TMEM132D: variants seen among roughly 807,000 people sequenced by gnomAD.
TMEM132D encodes transmembrane protein 132D.
A neutral mutation model predicts 62.3 loss-of-function variants in TMEM132D; 21 were observed. The ratio of observed to expected loss-of-function variants is 0.34; its 90% CI spans 0.24 to 0.49. The LOEUF (loss-of-function observed/expected upper bound fraction) is 0.49. Among genes scored for constraint, TMEM132D ranks in the 20% least tolerant of loss-of-function variants. The pLI, the probability that TMEM132D is intolerant of heterozygous loss-of-function variation, is 0.99. For synonymous variants in TMEM132D, 621 were observed against 575.6 expected (o/e 1.08, Z -1.13); for missense variants, 1,346 against 1,402.8 (o/e 0.96, Z 0.65).
chr12:129,894,478 G>A (rs1207339767), intron 1 of TMEM132D, among the ~76,000 whole-genome samples: 1 of 152,212 alleles, frequency 6.6e-6, no homozygotes, highest in Non-Finnish European at 1.5e-5. Flanking sequence ...GCAGGTTCTG[G>A]TGGGATCCTT....
intron 5 of TMEM132D, among the ~76,000 whole-genome samples, chr12:129,183,473 C>T (rs922080836): frequency 4.6e-5 from 7 of 152,330 alleles, no homozygotes; most frequent in Middle Eastern, 3.4e-3. Flanking sequence ...GCAGCCCAGG[C>T]GTATTTCCTT....
intron 3 of TMEM132D, among the ~76,000 whole-genome samples, chr12:129,357,183 C>A (rs1014949409): frequency 2.8e-5 from 4 of 141,636 alleles, no homozygotes; most frequent in Non-Finnish European, 6.1e-5. Context: ...GGAGGTGGAG[C>A]TTGCAGTGAG....
At chr12:129,546,285 T>C (rs1876734446) in intron 2 of TMEM132D, among the ~76,000 whole-genome samples, 1 of 152,238 alleles carries the variant, frequency 6.6e-6, no homozygotes, top group Non-Finnish European at 1.5e-5. Context: ...ACTTGTTTTT[T>C]CTCATATGAA....
intron 1 of TMEM132D, among the ~76,000 whole-genome samples, chr12:129,829,249 G>A (rs982744069): frequency 2.0e-5 from 3 of 152,054 alleles, no homozygotes; most frequent in African/African-American, 2.4e-5. Context: ...TAGAATAATC[G>A]TGGTTATTAT....
chr12:129,516,864 G>A (rs760101554), intron 3 of TMEM132D, among the ~76,000 whole-genome samples: 5 of 152,166 alleles, frequency 3.3e-5, no homozygotes, highest in Admixed American at 1.3e-4. Flanking sequence ...GAGGCTTCAG[G>A]GGAGAATCCA....
chr12:129,147,700 G>T (rs1156350819), intron 5 of TMEM132D, among the ~76,000 whole-genome samples: 3 of 152,168 alleles, frequency 2.0e-5, no homozygotes, highest in African/African-American at 7.2e-5. Context: ...CAGGTGCAAG[G>T]TGTCTATTTG....
intron 2 of TMEM132D, among the ~76,000 whole-genome samples, chr12:129,660,397 C>CT (rs1880205626): frequency 6.6e-6 from 1 of 152,140 alleles, no homozygotes; most frequent in Non-Finnish European, 1.5e-5. Flanking sequence ...CCTGCCTCCT[C>CT]TGCTGGCCTC....
intron 3 of TMEM132D, among the ~76,000 whole-genome samples, chr12:129,500,451 T>TG (rs11428302): frequency 3.2e-5 from 1 of 31,280 alleles, no homozygotes; most frequent in Admixed American, 2.7e-4. Flanking sequence ...TATGGATGGC[T>TG]TAGTAAGCTG....
intron 1 of TMEM132D, among the ~76,000 whole-genome samples, chr12:129,750,855 AAAAT>A (rs1025914002): frequency 2.0e-5 from 3 of 152,200 alleles, no homozygotes; most frequent in Non-Finnish European, 4.4e-5. Flanking sequence ...CACCAAAAAA[AAAAT>A]AAATGTTTAA....
chr12:129,392,734 T>C (rs1027224490), intron 3 of TMEM132D, among the ~76,000 whole-genome samples: 16 of 152,156 alleles, frequency 1.1e-4, no homozygotes, highest in Non-Finnish European at 1.9e-4. Flanking sequence ...ACCCCAGTGA[T>C]TTTGATGCAC....
intron 2 of TMEM132D, among the ~76,000 whole-genome samples, chr12:129,634,567 A>G (rs1247790200): frequency 6.6e-6 from 1 of 151,904 alleles, no homozygotes; most frequent in African/African-American, 2.4e-5. Flanking sequence ...AATTGTATCT[A>G]AATCTTAGAA....
intron 1 of TMEM132D, among the ~76,000 whole-genome samples, chr12:129,869,288 G>T (rs1874168320): frequency 6.6e-6 from 1 of 152,132 alleles, no homozygotes; most frequent in Non-Finnish European, 1.5e-5. Context: ...GCAACAAGTT[G>T]TGAAATTACC....
At chr12:129,200,886 G>A (rs1026521978) in intron 5 of TMEM132D, among the ~76,000 whole-genome samples, 1 of 152,170 alleles carries the variant, frequency 6.6e-6, no homozygotes, top group Non-Finnish European at 1.5e-5. Flanking sequence ...CTTGTTAAGC[G>A]TTGTGCTCCC....
chr12:129,555,754 A>C (rs1877037365), intron 2 of TMEM132D, among the ~76,000 whole-genome samples: 1 of 152,216 alleles, frequency 6.6e-6, no homozygotes, highest in Non-Finnish European at 1.5e-5. Flanking sequence ...AAAATAAAGA[A>C]AACACTCATT....
At chr12:129,584,284 T>C (rs888260283) in intron 2 of TMEM132D, among the ~76,000 whole-genome samples, 5 of 152,228 alleles carry the variant, frequency 3.3e-5, no homozygotes, top group African/African-American at 9.6e-5. Flanking sequence ...ATATAAGTGA[T>C]AGATTTCTCT....
chr12:129,670,515 G>T (rs996254994), intron 2 of TMEM132D, among the ~76,000 whole-genome samples: 2 of 152,046 alleles, frequency 1.3e-5, no homozygotes, highest in African/African-American at 4.8e-5. Flanking sequence ...CTCAGTGCAA[G>T]AAGACAGCCT....
rs138603063 is a variant in TMEM132D at position 129,121,866 on chromosome 12, A to G, written c.1444-37164T>C. Among the ~76,000 whole-genome samples, 1,523 of 152,312 alleles carry G rather than the reference A, an allele frequency of 1.0e-2. 79 individuals carry two copies. The highest frequency in any genetic ancestry group is 0.087 in the Admixed American group (1,330 of 15,304). On this transcript the variant is annotated intron_variant, in intron 5 of 8. Transcript: ENST00000422113. ...ATATTTTTAGAGGTGGAGTCAACAA[A>G]AACTGCAGCTAGACTGGATATTGAG... is the stretch of plus-strand genomic sequence containing the variant.
At chr12:129,740,578 A>G (rs1869570787) in intron 1 of TMEM132D, among the ~76,000 whole-genome samples, 1 of 152,238 alleles carries the variant, frequency 6.6e-6, no homozygotes, top group South Asian at 2.1e-4. Flanking sequence ...TTCTTGCACA[A>G]ACTAGTTCTA....
chr12:129,539,819 T>G (rs193037159), intron 2 of TMEM132D, among the ~76,000 whole-genome samples: 17 of 152,306 alleles, frequency 1.1e-4, no homozygotes, highest in Non-Finnish European at 2.1e-4. Context: ...CCCTGGTCTC[T>G]TTTCTCTACC....
Sources: allele counts gnomAD v4.1 joint callset (sites outside exome capture counted in the v4.1 genomes callset), GRCh38; gene constraint gnomAD v4.1.1; transcripts MANE v1.5; gene names NCBI Gene and HGNC (gene_info 2026-07-23, HGNC 2026-07-21).